The following ZNF383 variants were observed in gnomAD, a reference collection of about 807,000 sequenced individuals.
ZNF383 encodes the protein zinc finger protein 383.
ZNF383 carries 32 observed loss-of-function variants against 44.2 expected under a neutral mutation model. The observed-to-expected ratio is 0.72, with a 90% CI of 0.55 to 0.97. The LOEUF is 0.97. ZNF383 is among the 50% of genes least tolerant of loss of function. ZNF383 has a pLI of 0.00. For synonymous variants in ZNF383, 155 were observed against 186.2 expected (o/e 0.83, Z 1.36); for missense variants, 487 against 562.5 (o/e 0.87, Z 1.36).
intron 5 of ZNF383, among the ~76,000 whole-genome samples, chr19:37,239,074 T>C (rs537696607): frequency 1.3e-3 from 193 of 152,250 alleles, no homozygotes; most frequent in Middle Eastern, 6.8e-3. Context: ...CGCCTGCCAC[T>C]GCGCCCGGCT....
rs926645162 is a variant in ZNF383, at chr19:37,245,843, CTGGAGGGCAGTGG to C, written c.*2182_*2194del. The C allele has an allele frequency of 6.6e-6, 1 of 152,212 alleles. No homozygotes were observed. Among genetic ancestry groups the C allele is most frequent in the Admixed American group, 6.5e-5 (1 of 15,278 alleles). 9.4% of individuals were successfully genotyped at this position (152,212 alleles called of 1,614,324 possible). ...ACACAGTCTCGCTCTGTTGCCCAGG[CTGGAGGGCAGTGG>C]TGCAATCTCGGCTCACTGCAACCTC... On this transcript the variant is annotated 3_prime_UTR_variant, in exon 6 of 6. Transcript: ENST00000684119.
chr19:37,235,463 A>G, intron 3 of ZNF383, 86 bp from the exon 4 acceptor site: 1 of 1,415,650 alleles, frequency 7.1e-7, no homozygotes. Flanking sequence ...ATAATGACTC[A>G]TTTTGTATTA....
chr19:37,237,444 T>C (rs1973873856), intron 5 of ZNF383, among the ~76,000 whole-genome samples: 2 of 151,950 alleles, frequency 1.3e-5, no homozygotes, highest in Admixed American at 6.6e-5. Context: ...TGGGATGAAG[T>C]AGGAGAACCA....
chr19:37,219,849 G>T (rs1484421960), intron 1 of ZNF383: 1 of 152,188 alleles, frequency 6.6e-6, no homozygotes, highest in Non-Finnish European at 1.5e-5. Context: ...TCAAGAAAAT[G>T]ATGAGAAGCC....
intron 3 of ZNF383, among the ~76,000 whole-genome samples, chr19:37,235,158 C>T (rs193163666): frequency 1.8e-4 from 28 of 151,806 alleles, no homozygotes; most frequent in African/African-American, 6.0e-4. Flanking sequence ...CTGTAATCCC[C>T]GCTACTCGGG....
Position 37,243,626 on chromosome 19 carries a change from GA to G in ZNF383, c.1391del (p.Asp464ValfsTer16). 3 of 1,575,910 alleles carry G rather than the reference GA, an allele frequency of 1.9e-6. No individual in the cohort carries two copies. The highest frequency in any genetic ancestry group is 2.6e-6 in the Non-Finnish European group (3 of 1,160,988). On this transcript the variant is annotated frameshift_variant, in exon 6 of 6. Transcript: ENST00000684119. LOFTEE classifies it high-confidence loss of function. ...TGGGAAGGCTTTTAGTAGTGGCTCG[GA>G]TCTCATTCGTCATCAGGGAATTCAT... Reference protein sequence around the residue: ...ECGKAFSSGSDLIRHQGIHTN... With the variant: ...ECGKAFSSGSXLIRHQGIHTN...
At chr19:37,230,363 T>A in intron 2 of ZNF383, 46 bp from the exon 3 acceptor site, 7 of 1,401,716 alleles carry the variant, frequency 5.0e-6, no homozygotes, top group Admixed American at 3.7e-5. Flanking sequence ...TTCTAGAGGG[T>A]TTTACTTCCC....
At chr19:37,230,950 A>G (rs1201714719) in intron 3 of ZNF383, among the ~76,000 whole-genome samples, 1 of 152,176 alleles carries the variant, frequency 6.6e-6, no homozygotes, top group Admixed American at 6.5e-5. Flanking sequence ...TTTGGGGATC[A>G]TGGGGTTGGT....
At position 37,246,066 on chromosome 19, in the gene ZNF383, AT is replaced by A. The variant is rs1293761374; in HGVS notation, c.*2404del. 6.6e-6 allele frequency: 1 copy of A among 152,216 alleles called. No homozygotes were observed. The highest frequency in any genetic ancestry group is 1.5e-5 in the Non-Finnish European group (1 of 68,080). The allele number at this position is 152,216 out of a possible 1,614,324, so 9.4% of individuals were successfully genotyped here. On this transcript the variant is annotated 3_prime_UTR_variant, in exon 6 of 6. Coordinates refer to ENST00000684119, the MANE Select transcript of ZNF383 (RefSeq NM_001387601.1). ...TGCCTTGGCTTCCCAAAGTGCTGGG[AT>A]TATAGGTGTGAGCCACCGCCCCTGG...
chr19:37,232,985 C>T (rs1020389551), intron 3 of ZNF383, among the ~76,000 whole-genome samples: 3 of 151,780 alleles, frequency 2.0e-5, no homozygotes, highest in African/African-American at 7.3e-5. Context: ...CTTGATTTCT[C>T]TGCAGAAAAT....
intron 3 of ZNF383, among the ~76,000 whole-genome samples, chr19:37,234,885 C>T (rs1480412536): frequency 6.6e-6 from 1 of 152,202 alleles, no homozygotes; most frequent in Admixed American, 6.5e-5. Flanking sequence ...CAGACTCATC[C>T]TGTGCATTTT....
chr19:37,223,079 A>G (rs762823900), intron 1 of ZNF383, among the ~76,000 whole-genome samples: 50 of 152,190 alleles, frequency 3.3e-4, no homozygotes, highest in Non-Finnish European at 3.8e-4. Context: ...TGACATAACT[A>G]AAAGAAGTAG....
rs1974416698 is a variant in ZNF383, at chr19:37,247,687, TAAAAC to T, written c.*4026_*4030del. On this transcript the variant is annotated 3_prime_UTR_variant, in exon 6 of 6. Coordinates refer to ENST00000684119, the MANE Select transcript of ZNF383 (RefSeq NM_001387601.1). ...CATCTCTACAGAAAAAAAAAAAAAT[TAAAAC>T]AACAAACTTAAAAGTTGGTATTATA... 6.6e-6 allele frequency: 1 copy of T among 151,452 alleles called. No homozygotes were observed. Among genetic ancestry groups the T allele is most frequent in the Non-Finnish European group, 1.5e-5 (1 of 67,882 alleles). The allele number at this position is 151,452 out of a possible 1,614,324, so 9.4% of individuals were successfully genotyped here.
intron 2 of ZNF383, among the ~76,000 whole-genome samples, chr19:37,228,987 A>G (rs1453108748): frequency 2.6e-5 from 4 of 152,104 alleles, no homozygotes; most frequent in African/African-American, 9.7e-5. Flanking sequence ...TAAAGACTCT[A>G]TCACAGTGTG....
chr19:37,237,672 C>T (rs1012250184), intron 5 of ZNF383, among the ~76,000 whole-genome samples: 1 of 152,032 alleles, frequency 6.6e-6, no homozygotes, highest in Non-Finnish European at 1.5e-5. Flanking sequence ...GATCTGGAGG[C>T]TAAGAATTCT....
In ZNF383 at chr19:37,230,093, C is replaced by T. The variant is rs146189269; in HGVS notation, c.-45-316C>T. Among the ~76,000 whole-genome samples the T allele has an allele frequency of 2.2e-3, 332 of 152,072 alleles. 4 individuals carry two copies. The highest frequency in any genetic ancestry group is 7.5e-3 in the African/African-American group (313 of 41,478). ...GTCATAGTAGGTCATTAGCTCAGGG[C>T]AGACCATAATAGCTCAATCATGGGT... On this transcript the variant is annotated intron_variant, in intron 2 of 5. Coordinates refer to ENST00000684119, the MANE Select transcript of ZNF383 (RefSeq NM_001387601.1).
chr19:37,220,425 T>C (rs1000051839), intron 1 of ZNF383, among the ~76,000 whole-genome samples: 2 of 152,252 alleles, frequency 1.3e-5, no homozygotes, highest in South Asian at 2.1e-4. Context: ...CCATCATGCC[T>C]GGCTAATTTT....
chr19:37,218,633 T>A (rs1370988243), intron 1 of ZNF383, among the ~76,000 whole-genome samples: 3 of 152,034 alleles, frequency 2.0e-5, no homozygotes. Flanking sequence ...TGTGTGTTAG[T>A]CTGAGGGGTG....
Position 37,248,581 on chromosome 19 carries a change from G to T in ZNF383, c.*4917G>T, listed in dbSNP as rs1974446874. The stretch of plus-strand genomic sequence containing the variant: ...ATAGCATGGGATTTTTGGAATACAA[G>T]ATAAGATAATTTACATGGGATTGCA... On this transcript the variant is annotated 3_prime_UTR_variant, in exon 6 of 6. Transcript: ENST00000684119. 1 of 152,158 alleles carries T rather than the reference G, an allele frequency of 6.6e-6. No homozygotes were observed. The highest frequency in any genetic ancestry group is 1.5e-5 in the Non-Finnish European group (1 of 68,006). The allele number at this position is 152,158 out of a possible 1,614,324, so 9.4% of individuals were successfully genotyped here.
Sources: gnomAD v4.1 joint callset for allele counts (sites outside exome capture counted in the v4.1 genomes callset) on GRCh38, gnomAD v4.1.1 for gene constraint, MANE v1.5 for transcripts, NCBI Gene and HGNC (gene_info 2026-07-23, HGNC 2026-07-21) for gene names.